Variants in SYN2 observed in about 807,000 individuals in gnomAD.
SYN2 encodes the protein synapsin II.
A neutral mutation model predicts 50.9 loss-of-function variants in SYN2; 19 were observed. The observed-to-expected ratio is 0.37, with a 90% CI of 0.26 to 0.55. SYN2 has a LOEUF of 0.55. Ranked by LOEUF, SYN2 falls within the 20% of genes least tolerant of loss-of-function variation. SYN2 has a pLI of 0.81. For missense variants in SYN2, 587 were observed against 576.4 expected (o/e 1.02, Z -0.19); for synonymous variants, 255 against 224.9 (o/e 1.13, Z -1.20).
chr3:12,131,923 C>T (rs1290112096), intron 1 of SYN2, among the ~76,000 whole-genome samples: 1 of 152,114 alleles, frequency 6.6e-6, no homozygotes, highest in African/African-American at 2.4e-5. Context: ...AGAAGGCATT[C>T]ACAGAGGTCT....
At chr3:12,155,033 AG>A (rs1279221523) in intron 5 of SYN2, among the ~76,000 whole-genome samples, 3 of 15,988 alleles carry the variant, frequency 1.9e-4, no homozygotes, top group Non-Finnish European at 5.1e-4. Flanking sequence ...TTCACCTTTC[AG>A]ACGAGATCGG....
intron 1 of SYN2, among the ~76,000 whole-genome samples, chr3:12,105,195 G>C (rs1696159230): frequency 6.6e-6 from 1 of 152,224 alleles, no homozygotes; most frequent in Non-Finnish European, 1.5e-5. Context: ...AGTGGCTACA[G>C]TATTAGACAA....
chr3:12,049,049 T>C (rs1439411553), intron 1 of SYN2, among the ~76,000 whole-genome samples: 1 of 152,136 alleles, frequency 6.6e-6, no homozygotes, highest in African/African-American at 2.4e-5. Flanking sequence ...CCCTTGAAGT[T>C]TGGGAATGTA....
chr3:12,005,164 C>T (rs907469689), intron 1 of SYN2, among the ~76,000 whole-genome samples: 15 of 152,112 alleles, frequency 9.9e-5, no homozygotes, highest in African/African-American at 3.6e-4. Flanking sequence ...TGCCCCAGGT[C>T]CCCCAGGTCC....
At chr3:12,182,830 C>T (rs1208110476) in intron 10 of SYN2, among the ~76,000 whole-genome samples, 1 of 152,216 alleles carries the variant, frequency 6.6e-6, no homozygotes, top group African/African-American at 2.4e-5. Context: ...CGCACACATA[C>T]ACTCCTCCCC....
At chr3:12,164,036 C>T (rs1390594150) in intron 7 of SYN2, among the ~76,000 whole-genome samples, 1 of 151,946 alleles carries the variant, frequency 6.6e-6, no homozygotes, top group Non-Finnish European at 1.5e-5. Context: ...TTGCACCACT[C>T]CAGCCTGAGT....
At chr3:12,160,063 A>AAAG (rs1697607699) in intron 5 of SYN2, among the ~76,000 whole-genome samples, 1 of 148,766 alleles carries the variant, frequency 6.7e-6, no homozygotes, top group East Asian at 1.9e-4. Flanking sequence ...AAAAAAAAAA[A>AAAG]AAAGTAAAAG....
intron 1 of SYN2, among the ~76,000 whole-genome samples, chr3:12,057,287 CTGTGTGTG>C (rs59286785): frequency 0.05 from 6,708 of 133,942 alleles, 188 homozygotes; most frequent in Non-Finnish European, 0.072. Context: ...GCAAGACTGT[CTGTGTGTG>C]TGTGTGTGTG....
chr3:12,032,009 C>T (rs1393270876), intron 1 of SYN2, among the ~76,000 whole-genome samples: 68 of 146,306 alleles, frequency 4.6e-4, no homozygotes, highest in African/African-American at 1.5e-3. Context: ...GATTTTGCAG[C>T]GGCTGGTACC....
chr3:12,063,950 G>C lies in SYN2; in HGVS notation c.377+59022G>C, dbSNP rs763561665. On this transcript the variant is annotated intron_variant, in intron 1 of 12. Coordinates refer to ENST00000621198, the MANE Select transcript of SYN2 (RefSeq NM_133625.6). ...ACCCCTTAAGTGTGAGCTGTGCATAGTGCCATCCTTTCAAAGAGTACAGTA... is the reference window on the plus strand; with the variant it reads ...ACCCCTTAAGTGTGAGCTGTGCATACTGCCATCCTTTCAAAGAGTACAGTA... Among the ~76,000 whole-genome samples the C allele has an allele frequency of 3.1e-4, 47 of 151,792 alleles. 1 individual carries two copies. Among genetic ancestry groups the C allele is most frequent in the Non-Finnish European group, 6.0e-4 (41 of 67,828 alleles).
chr3:12,166,680 T>G (rs559375006), intron 7 of SYN2, among the ~76,000 whole-genome samples: 3 of 152,154 alleles, frequency 2.0e-5, no homozygotes, highest in Non-Finnish European at 2.9e-5. Context: ...CCTTCAGAAG[T>G]TAATAATGAA....
chr3:12,006,980 T>C (rs1693814974), intron 1 of SYN2, among the ~76,000 whole-genome samples: 1 of 152,248 alleles, frequency 6.6e-6, no homozygotes, highest in South Asian at 2.1e-4. Flanking sequence ...TTGTCCTGAT[T>C]TCTTATCCTA....
chr3:12,023,054 A>G (rs186797526), intron 1 of SYN2, among the ~76,000 whole-genome samples: 73 of 152,290 alleles, frequency 4.8e-4, no homozygotes, highest in African/African-American at 1.8e-3. Context: ...TCCCAGGAAT[A>G]CGAGAACTGG....
intron 1 of SYN2, among the ~76,000 whole-genome samples, chr3:12,106,691 A>G (rs796861005): frequency 1.2e-4 from 19 of 152,328 alleles, no homozygotes; most frequent in African/African-American, 4.6e-4. Context: ...TAGTATGTCT[A>G]AATGTTTTAG....
At chr3:12,118,836 A>G (rs536809381) in intron 1 of SYN2, among the ~76,000 whole-genome samples, 49 of 152,296 alleles carry the variant, frequency 3.2e-4, no homozygotes, top group African/African-American at 1.2e-3. Context: ...AAAAAAACAA[A>G]AGAAGTGAAA....
chr3:12,023,607 A>G (rs755034310), intron 1 of SYN2, among the ~76,000 whole-genome samples: 61 of 152,196 alleles, frequency 4.0e-4, no homozygotes, highest in Non-Finnish European at 8.8e-5. Flanking sequence ...GAATAGTAGG[A>G]TGGAATCTGC....
At chr3:12,176,942 G>A (rs1698086511) in intron 10 of SYN2, among the ~76,000 whole-genome samples, 1 of 152,180 alleles carries the variant, frequency 6.6e-6, no homozygotes, top group African/African-American at 2.4e-5. Context: ...GGAGCAGGAT[G>A]AGCAGCTTGT....
intron 5 of SYN2, among the ~76,000 whole-genome samples, chr3:12,158,422 A>G (rs1283977530): frequency 6.6e-6 from 1 of 152,136 alleles, no homozygotes; most frequent in Non-Finnish European, 1.5e-5. Flanking sequence ...CTCCGGTGAC[A>G]CCTTGTGTAA....
chr3:12,043,247 C>T (rs943787362), intron 1 of SYN2, among the ~76,000 whole-genome samples: 8 of 152,038 alleles, frequency 5.3e-5, no homozygotes, highest in African/African-American at 9.7e-5. Context: ...TGGTCTCGAG[C>T]GCCTGACTTC....
Sources: gnomAD v4.1 joint callset for allele counts (sites outside exome capture counted in the v4.1 genomes callset) on GRCh38, gnomAD v4.1.1 for gene constraint, MANE v1.5 for transcripts, NCBI Gene and HGNC (gene_info 2026-07-23, HGNC 2026-07-21) for gene names.